The following DLG2 variants were observed in gnomAD, a reference collection of about 807,000 sequenced individuals.
The protein encoded by DLG2 is disks large homolog 2.
Under a neutral mutation model 132.5 loss-of-function variants are expected in DLG2, and 45 were observed. The observed-to-expected ratio is 0.34, with a 90% CI of 0.27 to 0.44. DLG2 has a LOEUF of 0.44. Among genes scored for constraint, DLG2 ranks in the 20% least tolerant of loss-of-function variants. The pLI is 1.00. For synonymous variants in DLG2, 424 were observed against 419.6 expected, an observed-to-expected ratio of 1.01 and a Z score of -0.13; for missense variants, 1,045 against 1,196.9, an observed-to-expected ratio of 0.87 and a Z score of 1.87.
Position 83,954,367 on chromosome 11 carries a change from G to A in DLG2, c.1340+8518C>T, listed in dbSNP as rs189600604. 3.3e-5 allele frequency among the ~76,000 whole-genome samples: 5 copies of A among 152,040 alleles called. No individual in the cohort carries two copies. The East Asian group carries it at 9.7e-4, about 29-fold the overall frequency. On this transcript the variant is annotated intron_variant, in intron 14 of 27. Transcript: ENST00000376104. ...ACCTATGTGGTTTAAAGTTTTGTGTGGTCAGTTTTCTCTTTATTGTTTATT... is the reference window on the plus strand; with the variant it reads ...ACCTATGTGGTTTAAAGTTTTGTGTAGTCAGTTTTCTCTTTATTGTTTATT...
rs2082775668 is a variant in DLG2, at chr11:85,218,562, A to G, written c.187-63911T>C. 2.0e-5 allele frequency among the ~76,000 whole-genome samples: 3 copies of G among 152,152 alleles called. 1 individual carries two copies. The South Asian group carries it at 6.2e-4, about 32-fold the overall frequency. On this transcript the variant is annotated intron_variant, in intron 4 of 27. Coordinates refer to ENST00000376104, the MANE Select transcript of DLG2 (RefSeq NM_001142699.3). ...ATGGCTATTATTAAAAAGTCAAAAAACAACAGATGATGATGAGGCTGTGGA... is the reference window on the plus strand; with the variant it reads ...ATGGCTATTATTAAAAAGTCAAAAAGCAACAGATGATGATGAGGCTGTGGA...
chr11:85,302,678 T>C (rs1402072163), intron 3 of DLG2, among the ~76,000 whole-genome samples: 1 of 150,372 alleles, frequency 6.7e-6, no homozygotes, highest in African/African-American at 2.4e-5. Flanking sequence ...GTCAGTTAGT[T>C]GATAATTTCA....
chr11:84,569,127 C>T (rs1315206433), intron 6 of DLG2, among the ~76,000 whole-genome samples: 1 of 152,126 alleles, frequency 6.6e-6, no homozygotes, highest in Non-Finnish European at 1.5e-5. Flanking sequence ...GCAGCCCTAC[C>T]AGTGTCAGAG....
At chr11:83,562,724 A>C (rs1030736979) in intron 19 of DLG2, among the ~76,000 whole-genome samples, 3 of 152,166 alleles carry the variant, frequency 2.0e-5, no homozygotes, top group Non-Finnish European at 4.4e-5. Flanking sequence ...GGAAAATATG[A>C]TAACTTAGTG....
At chr11:84,668,304 T>C (rs1021674770) in intron 6 of DLG2, among the ~76,000 whole-genome samples, 1 of 152,196 alleles carries the variant, frequency 6.6e-6, no homozygotes, top group Non-Finnish European at 1.5e-5. Context: ...TTCTTCTGAC[T>C]ATTTCTATCC....
intron 16 of DLG2, among the ~76,000 whole-genome samples, chr11:83,866,012 C>T (rs1235277541): frequency 6.6e-6 from 1 of 152,102 alleles, no homozygotes; most frequent in Non-Finnish European, 1.5e-5. Flanking sequence ...CCTTCCATGA[C>T]CTCCCTGACC....
chr11:84,757,132 T>C (rs1176955324), intron 6 of DLG2, among the ~76,000 whole-genome samples: 1 of 152,184 alleles, frequency 6.6e-6, no homozygotes, highest in Non-Finnish European at 1.5e-5. Context: ...TTAGCAGGAA[T>C]GAGCTAGATT....
At chr11:83,484,267 G>T in intron 21 of DLG2, 39 bp from the exon 22 acceptor site, 1 of 1,449,308 alleles carries the variant, frequency 6.9e-7, no homozygotes, top group Non-Finnish European at 9.7e-7. Context: ...AACAGGGGAC[G>T]TCTAATTGTT....
At chr11:84,774,324 C>T (rs557317873) in intron 6 of DLG2, among the ~76,000 whole-genome samples, 2 of 152,138 alleles carry the variant, frequency 1.3e-5, no homozygotes, top group South Asian at 4.1e-4. Flanking sequence ...ATCTTCAATG[C>T]TCATAGATTG....
intron 7 of DLG2, among the ~76,000 whole-genome samples, chr11:84,457,415 C>A (rs560726777): frequency 6.6e-6 from 1 of 151,050 alleles, no homozygotes; most frequent in African/African-American, 2.4e-5. Context: ...AGTAAAAATA[C>A]AAAATGTTTT....
intron 18 of DLG2, among the ~76,000 whole-genome samples, chr11:83,708,399 T>C (rs1247820900): frequency 1.3e-5 from 2 of 152,214 alleles, no homozygotes; most frequent in Non-Finnish European, 2.9e-5. Context: ...TACGTTGCTA[T>C]TTAATACCTG....
intron 3 of DLG2, among the ~76,000 whole-genome samples, chr11:85,299,343 G>C (rs2079440398): frequency 6.6e-6 from 1 of 152,114 alleles, no homozygotes; most frequent in Admixed American, 6.5e-5. Flanking sequence ...CTTTATGTCT[G>C]GAGTAATTGT....
At chr11:84,937,555 T>C (rs2048896762) in intron 6 of DLG2, among the ~76,000 whole-genome samples, 1 of 152,112 alleles carries the variant, frequency 6.6e-6, no homozygotes, top group African/African-American at 2.4e-5. Flanking sequence ...GTTAACAGTT[T>C]AGCTAACTCT....
intron 6 of DLG2, among the ~76,000 whole-genome samples, chr11:85,030,931 T>C (rs1333205657): frequency 1.3e-5 from 2 of 152,036 alleles, no homozygotes; most frequent in Non-Finnish European, 2.9e-5. Flanking sequence ...GCTGTACCCA[T>C]AAGTTTCTTT....
chr11:84,779,215 T>C (rs60408190), intron 6 of DLG2, among the ~76,000 whole-genome samples: 2,172 of 151,436 alleles, frequency 0.014, 52 homozygotes, highest in African/African-American at 0.05. Context: ...CACACACACA[T>C]ATATATGTAT....
chr11:83,695,255 G>A (rs2081684240), intron 18 of DLG2, among the ~76,000 whole-genome samples: 2 of 152,176 alleles, frequency 1.3e-5, no homozygotes, highest in African/African-American at 4.8e-5. Flanking sequence ...CAGGTTCTGG[G>A]AATACAAACA....
chr11:84,798,659 G>A (rs1454154635), intron 6 of DLG2, among the ~76,000 whole-genome samples: 1 of 152,144 alleles, frequency 6.6e-6, no homozygotes, highest in Non-Finnish European at 1.5e-5. Context: ...CCTGCTTGGT[G>A]TTCTATCCTA....
intron 6 of DLG2, among the ~76,000 whole-genome samples, chr11:84,589,706 T>C (rs879466232): frequency 1.1e-4 from 16 of 152,332 alleles, no homozygotes; most frequent in Non-Finnish European, 2.1e-4. Context: ...TGTCCCTCTG[T>C]TTGCCAGAAG....
intron 18 of DLG2, among the ~76,000 whole-genome samples, chr11:83,639,274 A>G (rs1328807980): frequency 6.6e-6 from 1 of 152,172 alleles, no homozygotes; most frequent in African/African-American, 2.4e-5. Flanking sequence ...ATTGCCAGAT[A>G]AGAGGAAGCC....
Sources: allele counts gnomAD v4.1 joint callset (sites outside exome capture counted in the v4.1 genomes callset), GRCh38; gene constraint gnomAD v4.1.1; transcripts MANE v1.5; gene names NCBI Gene and HGNC (gene_info 2026-07-23, HGNC 2026-07-21).